GRIP1: variants seen among roughly 807,000 people sequenced by gnomAD.
GRIP1 encodes glutamate receptor-interacting protein 1.
Under a neutral mutation model 129.9 loss-of-function variants are expected in GRIP1, and 45 were observed. The observed-to-expected ratio is 0.35, with a 90% CI of 0.27 to 0.44. The LOEUF (loss-of-function observed/expected upper bound fraction) is 0.44. GRIP1 is among the 20% of genes least tolerant of loss of function. The probability of loss-of-function intolerance (pLI) is 1.00; values close to 1 mark genes in which losing one functional copy is unlikely to be tolerated. For synonymous variants in GRIP1, 530 were observed against 520.8 expected (o/e 1.02, Z -0.24); for missense variants, 1,196 against 1,396.8 (o/e 0.86, Z 2.29).
At chr12:66,387,934 T>C (rs186024158) in intron 19 of GRIP1, among the ~76,000 whole-genome samples, 66 of 152,232 alleles carry the variant, frequency 4.3e-4, no homozygotes, top group Non-Finnish European at 1.9e-4. Context: ...TCAGTTATCA[T>C]CCTTATGAAA....
At chr12:66,429,193 G>C (rs1448686440) in intron 14 of GRIP1, among the ~76,000 whole-genome samples, 7 of 152,152 alleles carry the variant, frequency 4.6e-5, no homozygotes, top group Admixed American at 2.0e-4. Context: ...AGGCTCTGCT[G>C]GTATGCTTCC....
chr12:66,658,567 C>A lies in GRIP1; in HGVS notation c.55+20283G>T, dbSNP rs1371189417. On this transcript the variant is annotated intron_variant, in intron 1 of 24. Coordinates refer to ENST00000359742, the MANE Select transcript of GRIP1 (RefSeq NM_001366722.1). ...CTGCACTCCAGGCTGGGTGACAGAG[C>A]GAGACTCCATCTCAAAAAAAAAAAA... Among the ~76,000 whole-genome samples the A allele has an allele frequency of 4.7e-5, 7 of 149,052 alleles. No individual in the cohort carries two copies. The South Asian group carries it at 1.1e-3, about 23-fold the overall frequency.
chr12:66,918,230 C>T (rs141157983), intron 1 of GRIP1, among the ~76,000 whole-genome samples: 24 of 151,970 alleles, frequency 1.6e-4, no homozygotes, highest in African/African-American at 5.3e-4. Flanking sequence ...CAAGAGGAGC[C>T]AATGGAGTCC....
At chr12:66,479,597 G>C (rs1420497941) in intron 7 of GRIP1, among the ~76,000 whole-genome samples, 1 of 152,076 alleles carries the variant, frequency 6.6e-6, no homozygotes, top group Non-Finnish European at 1.5e-5. Flanking sequence ...TGATACCAAA[G>C]CCTGGCAGAG....
intron 1 of GRIP1, among the ~76,000 whole-genome samples, chr12:66,661,459 CAAA>C (rs576128556): frequency 2.3e-5 from 1 of 43,210 alleles, no homozygotes; most frequent in Non-Finnish European, 5.5e-5. Context: ...TAGATTTTGG[CAAA>C]AAAAAAAAAA....
At chr12:66,596,696 G>C (rs1174815196) in intron 2 of GRIP1, 151 bp downstream of exon 2, 3 of 647,788 alleles carry the variant, frequency 4.6e-6, no homozygotes, top group Admixed American at 2.4e-5. Context: ...AATATTGTTT[G>C]AACAAGTGTT....
rs545337042 is a variant in GRIP1 at position 66,450,029 on chromosome 12, G to A, written c.1355-4521C>T. On this transcript the variant is annotated intron_variant, in intron 11 of 24. Coordinates refer to ENST00000359742, the MANE Select transcript of GRIP1 (RefSeq NM_001366722.1). ...TAAGAAAGAGCCAAGAGCCGGGCGCGGTGGCTCACGCCTGTAATCCCAGCA... is the reference window on the plus strand; with the variant it reads ...TAAGAAAGAGCCAAGAGCCGGGCGCAGTGGCTCACGCCTGTAATCCCAGCA... Among the ~76,000 whole-genome samples, 291 of 151,900 alleles carry A rather than the reference G, an allele frequency of 1.9e-3. 1 individual carries two copies. Among genetic ancestry groups the A allele is most frequent in the African/African-American group, 6.4e-3 (266 of 41,456 alleles).
chr12:66,420,086 ACACTCGGTCT>A (rs1434597166), intron 15 of GRIP1, among the ~76,000 whole-genome samples: 5 of 152,198 alleles, frequency 3.3e-5, no homozygotes, highest in African/African-American at 1.2e-4. Flanking sequence ...GATACAGGTG[ACACTCGGTCT>A]CAAAAATAAA....
intron 1 of GRIP1, among the ~76,000 whole-genome samples, chr12:66,705,062 A>T (rs1044229195): frequency 2.6e-5 from 4 of 152,090 alleles, no homozygotes; most frequent in Admixed American, 2.0e-4. Context: ...CCTTACTACA[A>T]AGTACTTGTT....
intron 1 of GRIP1, among the ~76,000 whole-genome samples, chr12:66,778,101 G>A (rs1237838117): frequency 7.2e-5 from 11 of 152,170 alleles, no homozygotes; most frequent in African/African-American, 2.2e-4. Context: ...TATACTATTT[G>A]CAATATACTG....
intron 2 of GRIP1, chr12:66,564,239 T>G (rs954710045): frequency 4.6e-5 from 7 of 151,282 alleles, no homozygotes; most frequent in Non-Finnish European, 1.0e-4. Flanking sequence ...AACTCATCAT[T>G]TACATTAGGT....
intron 1 of GRIP1, among the ~76,000 whole-genome samples, chr12:66,736,245 TC>T (rs1209919254): frequency 5.3e-5 from 8 of 150,792 alleles, no homozygotes; most frequent in Admixed American, 1.3e-4. Flanking sequence ...AGCACACCAA[TC>T]ATAGCTCACT....
intron 1 of GRIP1, among the ~76,000 whole-genome samples, chr12:66,870,797 C>T (rs967897182): frequency 3.3e-5 from 5 of 152,048 alleles, no homozygotes; most frequent in African/African-American, 4.8e-5. Context: ...TCATGGCCTT[C>T]GTATGTTACT....
At chr12:66,448,793 C>T (rs2058699788) in intron 11 of GRIP1, among the ~76,000 whole-genome samples, 1 of 152,222 alleles carries the variant, frequency 6.6e-6, no homozygotes, top group Non-Finnish European at 1.5e-5. Flanking sequence ...TTGTTTTATG[C>T]TAACAGCCTC....
At chr12:66,577,542 A>G (rs2063183468) in intron 2 of GRIP1, among the ~76,000 whole-genome samples, 1 of 152,196 alleles carries the variant, frequency 6.6e-6, no homozygotes, top group Non-Finnish European at 1.5e-5. Context: ...GATTTATAAT[A>G]TTGATGAGAT....
At chr12:66,515,542 T>C in intron 7 of GRIP1, 77 bp downstream of exon 7, 2 of 1,313,714 alleles carry the variant, frequency 1.5e-6, no homozygotes, top group Non-Finnish European at 2.2e-6. Context: ...AATACATACT[T>C]AATCCAACAT....
At chr12:66,988,799 G>A (rs1171823746) in intron 1 of GRIP1, among the ~76,000 whole-genome samples, 3 of 152,076 alleles carry the variant, frequency 2.0e-5, no homozygotes, top group Non-Finnish European at 4.4e-5. Flanking sequence ...ACTCAAGAGG[G>A]AGTTAATTAA....
chr12:66,695,388 T>C (rs920280874), intron 1 of GRIP1, among the ~76,000 whole-genome samples: 1 of 152,110 alleles, frequency 6.6e-6, no homozygotes, highest in African/African-American at 2.4e-5. Context: ...AGAAGTGGAC[T>C]GATTAGCCCA....
chr12:66,805,617 C>T (rs1344616508), upstream of GRIP1, among the ~76,000 whole-genome samples: 8 of 152,152 alleles, frequency 5.3e-5, no homozygotes, highest in Admixed American at 4.6e-4. Flanking sequence ...GTAGGATCAT[C>T]CCAGAGGGAA....
Sources: gnomAD v4.1 joint callset for allele counts (sites outside exome capture counted in the v4.1 genomes callset) on GRCh38, gnomAD v4.1.1 for gene constraint, MANE v1.5 for transcripts, NCBI Gene and HGNC (gene_info 2026-07-23, HGNC 2026-07-21) for gene names.